EP400: variants seen among roughly 807,000 people sequenced by gnomAD.
EP400 encodes the protein E1A-binding protein p400.
A neutral mutation model predicts 354.1 loss-of-function variants in EP400; 105 were observed. That is an observed-to-expected ratio of 0.30 (90% CI 0.25 to 0.35). EP400 has a LOEUF of 0.35. Among genes scored for constraint, EP400 ranks in the 10% least tolerant of loss-of-function variants. The pLI is 1.00. For missense variants in EP400, 3,280 were observed against 4,121.0 expected, an observed-to-expected ratio of 0.80 and a Z score of 5.59; for synonymous variants, 1,646 against 1,716.9, an observed-to-expected ratio of 0.96 and a Z score of 1.02.
chr12:132,009,883 C>T (rs1046256664), intron 15 of EP400, among the ~76,000 whole-genome samples: 1 of 142,162 alleles, frequency 7.0e-6, no homozygotes, highest in South Asian at 2.3e-4. Flanking sequence ...CTATGTTACC[C>T]TGGCTGATCT....
In EP400 at chr12:132,001,535, G is replaced by A. The variant is rs534013360; in HGVS notation, c.2828-3542G>A. ...CGGTTAGGCCTCCGGATAACTGTGCGTGGGCCTGACTGATGTCAGGGCCTC... is the reference window on the plus strand; with the variant it reads ...CGGTTAGGCCTCCGGATAACTGTGCATGGGCCTGACTGATGTCAGGGCCTC... On this transcript the variant is annotated intron_variant, in intron 12 of 52. Coordinates refer to ENST00000389561, the MANE Select transcript of EP400 (RefSeq NM_015409.5). 9.8e-5 allele frequency among the ~76,000 whole-genome samples: 15 copies of A among 152,294 alleles called. 1 individual carries two copies. The East Asian group carries it at 2.5e-3, about 26-fold the overall frequency.
chr12:131,957,962 GT>G (rs763572946), intron 1 of EP400, among the ~76,000 whole-genome samples: 10 of 152,230 alleles, frequency 6.6e-5, no homozygotes, highest in Non-Finnish European at 1.5e-4. Context: ...GCATTAATTT[GT>G]TTTTATGACA....
chr12:132,064,555 G>T (rs1895824092), intron 47 of EP400, 113 bp from the exon 48 acceptor site: 3 of 1,387,140 alleles, frequency 2.2e-6, no homozygotes, highest in Non-Finnish European at 2.9e-6. Context: ...ACGGTAGCAG[G>T]TGTCTGCTTT....
chr12:132,069,747 G>A, intron 51 of EP400, 106 bp downstream of exon 51: 1 of 1,499,038 alleles, frequency 6.7e-7, no homozygotes, highest in Middle Eastern at 2.0e-4. Context: ...CGGCTGCACT[G>A]GGTGGTGCAC....
At chr12:132,065,131 G>T (rs1282424511) in intron 48 of EP400, 6 of 699,080 alleles carry the variant, frequency 8.6e-6, no homozygotes, top group Admixed American at 6.0e-5. Context: ...ATTGAGGGGG[G>T]TGGAGAGTGA....
intron 11 of EP400, among the ~76,000 whole-genome samples, chr12:131,993,967 G>A (rs1358369345): frequency 3.3e-5 from 5 of 152,196 alleles, no homozygotes; most frequent in African/African-American, 9.7e-5. Flanking sequence ...ACCACCCGAG[G>A]TCGTCTTTAC....
chr12:131,990,547 C>G lies in EP400; in HGVS notation c.2551-89C>G, dbSNP rs1892999406. 2 of 981,052 alleles carry G rather than the reference C, an allele frequency of 2.0e-6. No homozygotes were observed. Among genetic ancestry groups the G allele is most frequent in the South Asian group, 1.6e-5 (1 of 63,656 alleles). 60.8% of individuals were successfully genotyped at this position (981,052 alleles called of 1,614,324 possible). ...GGCTGGAAAACACTGTTTTCAGACT[C>G]TGCTTATGTGCTTTAGTGTTTTGTA... is the stretch of plus-strand genomic sequence containing the variant. On this transcript the variant is annotated intron_variant, in intron 8 of 52. Transcript: ENST00000389561. This position sits in a 1 kb window ranked among gnomAD's most constrained non-coding sequence, Gnocchi z 4.2.
chr12:132,075,895 C>A lies in EP400; in HGVS notation c.9022-621C>A. On this transcript the variant is annotated intron_variant, in intron 51 of 52. Coordinates refer to ENST00000389561, the MANE Select transcript of EP400 (RefSeq NM_015409.5). The surrounding 1 kb of genome is among the most constrained non-coding windows in gnomAD (Gnocchi z 4.5). ...GTTCTGGGTGCACGCCATGACGGTGCTGATAGGACACACAGGTGGCCCAGA... is the reference window on the plus strand; with the variant it reads ...GTTCTGGGTGCACGCCATGACGGTGATGATAGGACACACAGGTGGCCCAGA... 6.1e-6 allele frequency: 1 copy of A among 165,088 alleles called. No homozygotes were observed. The highest frequency in any genetic ancestry group is 1.3e-5 in the Non-Finnish European group (1 of 74,842). The allele number at this position is 165,088 out of a possible 1,614,324, so 10.2% of individuals were successfully genotyped here.
intron 1 of EP400, among the ~76,000 whole-genome samples, chr12:131,950,438 C>T (rs556527983): frequency 1.4e-4 from 21 of 152,264 alleles, no homozygotes; most frequent in African/African-American, 5.1e-4. Flanking sequence ...GCGTGGGCTT[C>T]CCTCGGGGTC....
intron 32 of EP400, among the ~76,000 whole-genome samples, chr12:132,040,134 A>G (rs1298015500): frequency 1.3e-5 from 2 of 152,216 alleles, no homozygotes; most frequent in East Asian, 1.9e-4. Flanking sequence ...AGCATCACTA[A>G]TCATCAGGAA....
At chr12:131,984,435 G>A (rs930756059) in intron 5 of EP400, among the ~76,000 whole-genome samples, 5 of 152,144 alleles carry the variant, frequency 3.3e-5, no homozygotes, top group Admixed American at 1.3e-4. Flanking sequence ...AGCAACTGGG[G>A]GGGCTGTAGT....
intron 50 of EP400, 178 bp from the exon 51 acceptor site, chr12:132,069,317 C>A: frequency 1.2e-6 from 1 of 862,226 alleles, no homozygotes; most frequent in Non-Finnish European, 1.7e-6. Flanking sequence ...AGAGGTAGGC[C>A]TGGAGGCAGC....
chr12:132,054,940 G>T lies in EP400; in HGVS notation c.7729-34G>T. ...GGATTTATGCAGGGGAGAGCCTGAC[G>T]TGAAATTCAAATGGATTTTTTTTTT... is the stretch of plus-strand genomic sequence containing the variant. On this transcript the variant is annotated intron_variant, in intron 43 of 52. Transcript: ENST00000389561. This position sits in a 1 kb window ranked among gnomAD's most constrained non-coding sequence, Gnocchi z 4.0. 1 of 1,608,356 alleles carries T rather than the reference G, an allele frequency of 6.2e-7. No individual in the cohort carries two copies.
Position 132,023,472 on chromosome 12 carries a change from G to T in EP400, c.4691-305G>T, listed in dbSNP as rs575078778. ...CACCCAGCTGATTTCTGCTATTTTT[G>T]TTGTTTCGGTAGAAAAGTAAAATGT... On this transcript the variant is annotated intron_variant, in intron 23 of 52. Transcript: ENST00000389561. Among the ~76,000 whole-genome samples the T allele has an allele frequency of 5.3e-5, 8 of 151,864 alleles. No homozygotes were observed. The East Asian group carries it at 1.4e-3, about 26-fold the overall frequency.
rs1896038179 is a variant in EP400, at chr12:132,070,595, C to G, written c.9021+954C>G. 6.6e-6 allele frequency among the ~76,000 whole-genome samples: 1 copy of G among 152,240 alleles called. No homozygotes were observed. Among genetic ancestry groups the G allele is most frequent in the Non-Finnish European group, 1.5e-5 (1 of 68,034 alleles). ...TTAATTTTAGTTAGCTTAGTTCATA[C>G]ACTACAATCAAAACTGCTGAAAGTT... On this transcript the variant is annotated intron_variant, in intron 51 of 52. Coordinates refer to ENST00000389561, the MANE Select transcript of EP400 (RefSeq NM_015409.5). The surrounding 1 kb of genome is among the most constrained non-coding windows in gnomAD (Gnocchi z 4.1).
At chr12:132,059,877 G>C (rs1427110450) in intron 45 of EP400, among the ~76,000 whole-genome samples, 1 of 151,790 alleles carries the variant, frequency 6.6e-6, no homozygotes, top group Non-Finnish European at 1.5e-5. Context: ...AAAAAAATCA[G>C]CCAGGTGTGG....
chr12:132,026,980 C>T (rs1894328350), intron 25 of EP400, among the ~76,000 whole-genome samples: 1 of 152,216 alleles, frequency 6.6e-6, no homozygotes, highest in Admixed American at 6.5e-5. Flanking sequence ...CACTGGCTTG[C>T]TCTGTTGCAG....
Position 132,043,428 on chromosome 12 carries a change from C to T in EP400, c.6332C>T (p.Ser2111Phe). The change falls in exon 33 of 53, where the codon TCC becomes TTC. Residue 2111 changes from serine (S) to phenylalanine (F), a missense_variant. Ser to Phe is a radical substitution (Grantham distance 155, BLOSUM62 -2). Around this residue, in one of 20 missense-constraint regions of EP400, gnomAD observed 54 missense variants for 41.3 expected, o/e 1.31. Transcript: ENST00000389561. Reference protein sequence around the residue: ...SENMPCDEEPSQLEELADFME... With the variant: ...SENMPCDEEPFQLEELADFME... ...AACATGCCGTGTGATGAAGAACCAT[C>T]CCAATTAGAGGAGCTAGCTGACTTC... 4 of 1,613,380 alleles carry T rather than the reference C, an allele frequency of 2.5e-6. No homozygotes were observed. Among genetic ancestry groups the T allele is most frequent in the Non-Finnish European group, 2.5e-6 (3 of 1,180,032 alleles).
intron 2 of EP400, among the ~76,000 whole-genome samples, chr12:131,973,193 C>G (rs1423258719): frequency 1.3e-5 from 2 of 152,188 alleles, no homozygotes; most frequent in African/African-American, 4.8e-5. Context: ...TGTAATTCAT[C>G]TAACCACTTT....
Sources: allele counts gnomAD v4.1 joint callset (sites outside exome capture counted in the v4.1 genomes callset), GRCh38; gene constraint gnomAD v4.1.1; regional missense constraint gnomAD v4.1.1; non-coding constraint Gnocchi (gnomAD v3.1); transcripts MANE v1.5; gene names NCBI Gene and HGNC (gene_info 2026-07-23, HGNC 2026-07-21).